Variants in NRG3 observed in about 807,000 individuals in gnomAD.
The protein encoded by NRG3 is pro-neuregulin-3, membrane-bound isoform.
Under a neutral mutation model 66.9 loss-of-function variants are expected in NRG3, and 31 were observed. The ratio of observed to expected loss-of-function variants is 0.46; its 90% confidence interval spans 0.35 to 0.63. NRG3 has a LOEUF of 0.63. NRG3 is among the 20% of genes least tolerant of loss of function. The pLI is 0.00. For synonymous variants in NRG3, 393 were observed against 359.4 expected (o/e 1.09, Z -1.06); for missense variants, 910 against 878.9 (o/e 1.04, Z -0.45).
At chr10:82,219,546 A>G (rs188522807) in intron 1 of NRG3, among the ~76,000 whole-genome samples, 1 of 152,152 alleles carries the variant, frequency 6.6e-6, no homozygotes, top group African/African-American at 2.4e-5. Flanking sequence ...CCCTCAATAT[A>G]TATTTGTTAA....
chr10:81,952,762 C>G (rs1318834739), intron 1 of NRG3, among the ~76,000 whole-genome samples: 2 of 151,720 alleles, frequency 1.3e-5, no homozygotes, highest in East Asian at 3.9e-4. Context: ...CATACCCTGC[C>G]TGGCTATTTT....
intron 2 of NRG3, among the ~76,000 whole-genome samples, chr10:82,599,441 A>G (rs1486973325): frequency 2.0e-5 from 3 of 152,160 alleles, no homozygotes; most frequent in Admixed American, 6.5e-5. Flanking sequence ...GAGAGTTTTA[A>G]CGTTCAAACC....
intron 1 of NRG3, among the ~76,000 whole-genome samples, chr10:81,956,789 C>G (rs942074406): frequency 2.0e-5 from 3 of 152,106 alleles, no homozygotes; most frequent in African/African-American, 7.2e-5. Context: ...CAGTAACTTC[C>G]TATCACATTT....
At chr10:82,408,091 G>GAAAGAAAAGAAAA (rs1340297405) in intron 2 of NRG3, among the ~76,000 whole-genome samples, 1 of 91,074 alleles carries the variant, frequency 1.1e-5, no homozygotes, top group African/African-American at 4.2e-5. Flanking sequence ...GAGACAGAAA[G>GAAAGAAAAGAAAA]AAAGAAAGAA....
chr10:82,413,065 G>T (rs1456183553), intron 2 of NRG3, among the ~76,000 whole-genome samples: 2 of 152,042 alleles, frequency 1.3e-5, no homozygotes, highest in East Asian at 3.9e-4. Flanking sequence ...TGTTATTGTT[G>T]ATATTTTGAC....
At chr10:82,076,830 C>T (rs527361402) in intron 1 of NRG3, among the ~76,000 whole-genome samples, 41 of 152,340 alleles carry the variant, frequency 2.7e-4, no homozygotes, top group African/African-American at 9.6e-4. Context: ...AAGCAAACCT[C>T]TTTTCTTAAT....
chr10:82,087,670 A>G (rs2065805013), intron 1 of NRG3, among the ~76,000 whole-genome samples: 1 of 152,158 alleles, frequency 6.6e-6, no homozygotes, highest in African/African-American at 2.4e-5. Context: ...TTACAGCTGA[A>G]TTTTAAAGAA....
intron 1 of NRG3, among the ~76,000 whole-genome samples, chr10:81,879,484 G>C (rs1218593230): frequency 1.3e-5 from 2 of 152,162 alleles, no homozygotes; most frequent in Non-Finnish European, 2.9e-5. Context: ...CTTTTACTAA[G>C]CTGAAAATAC....
intron 3 of NRG3, among the ~76,000 whole-genome samples, chr10:82,782,758 C>T (rs1349844947): frequency 6.6e-6 from 1 of 152,120 alleles, no homozygotes; most frequent in Non-Finnish European, 1.5e-5. Flanking sequence ...GATGGATTCA[C>T]AGCTGAATTC....
intron 1 of NRG3, among the ~76,000 whole-genome samples, chr10:82,089,417 G>GCCC (rs2065907034): frequency 6.6e-6 from 1 of 152,110 alleles, no homozygotes; most frequent in Admixed American, 6.5e-5. Flanking sequence ...CCTAACAGAG[G>GCCC]TTATTTCTTT....
intron 2 of NRG3, among the ~76,000 whole-genome samples, chr10:82,694,305 C>A (rs1244865058): frequency 6.6e-6 from 1 of 152,246 alleles, no homozygotes; most frequent in East Asian, 1.9e-4. Flanking sequence ...TTCAAGTCCC[C>A]ACTCAGCCCA....
intron 1 of NRG3, among the ~76,000 whole-genome samples, chr10:82,238,919 T>TATATATATATATATATATATATAC (rs372472574): frequency 0.021 from 2,986 of 141,878 alleles, 62 homozygotes; most frequent in East Asian, 0.093. Context: ...ACCGTATATA[T>TATATATATATATATATATATATAC]ATATATATAA....
rs548533172 is a variant in NRG3 at position 82,619,697 on chromosome 10, G to T, written c.954-118880G>T. Among the ~76,000 whole-genome samples, 6 of 152,298 alleles carry T rather than the reference G, an allele frequency of 3.9e-5. No individual in the cohort carries two copies. The East Asian group carries it at 1.2e-3, about 29-fold the overall frequency. On this transcript the variant is annotated intron_variant, in intron 2 of 8. Transcript: ENST00000372141. ...TTTAAAGCGGTAATAAGGTTAAGGT[G>T]AGGTTATGAGGGTGAGCCCTAATCT...
intron 4 of NRG3, among the ~76,000 whole-genome samples, chr10:82,904,324 G>A (rs1844516300): frequency 6.6e-6 from 1 of 152,168 alleles, no homozygotes; most frequent in Admixed American, 6.5e-5. Context: ...CACCCCTGGT[G>A]TAAGAGATGG....
chr10:82,389,101 A>AC (rs1238507370), intron 2 of NRG3, among the ~76,000 whole-genome samples: 7 of 152,026 alleles, frequency 4.6e-5, no homozygotes, highest in Non-Finnish European at 7.4e-5. Flanking sequence ...GTGTGCATTC[A>AC]CCCCCCTAAC....
At chr10:82,344,402 T>C (rs2082868030) in intron 1 of NRG3, among the ~76,000 whole-genome samples, 2 of 150,794 alleles carry the variant, frequency 1.3e-5, no homozygotes, top group South Asian at 2.1e-4. Context: ...CTCATCATTT[T>C]TTACGGCTAC....
intron 1 of NRG3, among the ~76,000 whole-genome samples, chr10:82,056,459 A>G (rs555902523): frequency 1.5e-4 from 23 of 152,274 alleles, no homozygotes; most frequent in African/African-American, 5.5e-4. Flanking sequence ...ACAATTATAG[A>G]AGTGAGGGGC....
Position 82,362,333 on chromosome 10 carries a change from A to ATGTGTG in NRG3, c.953+3505_953+3510dup, listed in dbSNP as rs56996997. ...TTCAAAATATAATGTGTATATATAT[A>ATGTGTG]TGTGTGTGTGTGTGTGTGTGTGTGT... On this transcript the variant is annotated intron_variant, in intron 2 of 8. Transcript: ENST00000372141. Among the ~76,000 whole-genome samples the ATGTGTG allele has an allele frequency of 8.0e-3, 1,092 of 135,914 alleles. 22 individuals carry two copies. The highest frequency in any genetic ancestry group is 0.026 in the African/African-American group (966 of 37,050). 89.2% of individuals were successfully genotyped at this position (135,914 alleles called of 152,430 possible).
chr10:82,799,425 C>T (rs1169551205), intron 3 of NRG3, among the ~76,000 whole-genome samples: 2 of 150,626 alleles, frequency 1.3e-5, no homozygotes, highest in Non-Finnish European at 2.9e-5. Context: ...ACTCAGGAGG[C>T]TGAGGCAGGA....
Sources: gnomAD v4.1 joint callset for allele counts (sites outside exome capture counted in the v4.1 genomes callset) on GRCh38, gnomAD v4.1.1 for gene constraint, MANE v1.5 for transcripts, NCBI Gene and HGNC (gene_info 2026-07-23, HGNC 2026-07-21) for gene names.